The following BMPER variants were observed in gnomAD, a reference collection of about 807,000 sequenced individuals.
BMPER encodes BMP binding endothelial regulator, also known as BMP-binding endothelial regulator protein.
In BMPER, 45 loss-of-function variants were observed where a neutral mutation model predicts 87.3. That is an observed-to-expected ratio of 0.52 (90% CI 0.41 to 0.66). BMPER has a LOEUF of 0.66. Ranked by LOEUF, BMPER falls within the 30% of genes least tolerant of loss-of-function variation. BMPER has a pLI of 0.00. For missense variants in BMPER, 784 were observed against 867.5 expected, an observed-to-expected ratio of 0.90 and a Z score of 1.21; for synonymous variants, 326 against 316.2, an observed-to-expected ratio of 1.03 and a Z score of -0.33.
chr7:34,133,351 G>T (rs964214221), intron 13 of BMPER, among the ~76,000 whole-genome samples: 1 of 152,154 alleles, frequency 6.6e-6, no homozygotes, highest in Non-Finnish European at 1.5e-5. Context: ...GTCAGGGTTT[G>T]GGGAGCTTCT....
chr7:34,056,636 T>A (rs913143843), intron 9 of BMPER, among the ~76,000 whole-genome samples: 1 of 147,686 alleles, frequency 6.8e-6, no homozygotes, highest in Non-Finnish European at 1.5e-5. Context: ...TTTTTTTTTT[T>A]AGATGGAGTC....
intron 11 of BMPER, 124 bp from the exon 12 acceptor site, chr7:34,078,733 T>A: frequency 2.0e-6 from 2 of 980,650 alleles, no homozygotes; most frequent in Non-Finnish European, 1.6e-6. Context: ...CACTTTTTTT[T>A]TTAAGTTGAT....
rs1790146510 is a variant in BMPER at position 34,117,452 on chromosome 7, G to A, written c.1746-25778G>A. ...ATATCTTGTCCCAGGCCCCTTCTGG[G>A]TAAAAAAGTAATAACTAATAGAAAA... On this transcript the variant is annotated intron_variant, in intron 13 of 14. Transcript: ENST00000649409. Among the ~76,000 whole-genome samples, 4 of 152,206 alleles carry A rather than the reference G, an allele frequency of 2.6e-5. No homozygotes were observed. In the East Asian group the frequency reaches 7.7e-4, roughly 29 times the overall value.
At chr7:34,033,591 T>A (rs1300935630) in intron 6 of BMPER, among the ~76,000 whole-genome samples, 3 of 152,222 alleles carry the variant, frequency 2.0e-5, no homozygotes, top group African/African-American at 7.2e-5. Context: ...AAAATGATGA[T>A]CTTTCTGAAC....
intron 5 of BMPER, among the ~76,000 whole-genome samples, chr7:33,974,132 A>G (rs578003049): frequency 1.1e-4 from 16 of 152,268 alleles, no homozygotes; most frequent in Admixed American, 3.3e-4. Context: ...TAGCTCTGCC[A>G]CCTGCCAGCT....
chr7:34,044,461 C>T (rs1483936664), intron 6 of BMPER, among the ~76,000 whole-genome samples: 1 of 152,204 alleles, frequency 6.6e-6, no homozygotes, highest in African/African-American at 2.4e-5. Context: ...TAGGAAGTTG[C>T]TTGCAGATGA....
At chr7:34,020,009 C>T (rs1403625825) in intron 6 of BMPER, among the ~76,000 whole-genome samples, 1 of 147,772 alleles carries the variant, frequency 6.8e-6, no homozygotes, top group African/African-American at 2.5e-5. Context: ...AATGTGGATA[C>T]ACCAGAGGAA....
At chr7:34,070,335 G>A (rs1183319683) in intron 11 of BMPER, among the ~76,000 whole-genome samples, 1 of 152,144 alleles carries the variant, frequency 6.6e-6, no homozygotes, top group Admixed American at 6.5e-5. Flanking sequence ...AGCTGCACAA[G>A]ATTTGAGCCT....
intron 7 of BMPER, among the ~76,000 whole-genome samples, chr7:34,047,739 A>T (rs1788013119): frequency 1.1e-5 from 1 of 95,220 alleles, no homozygotes; most frequent in African/African-American, 4.0e-5. Flanking sequence ...ATTTTCCCTA[A>T]TCGCCTCTGG....
intron 3 of BMPER, among the ~76,000 whole-genome samples, chr7:33,963,130 A>C (rs1323207645): frequency 3.9e-5 from 6 of 152,178 alleles, no homozygotes; most frequent in Non-Finnish European, 7.4e-5. Flanking sequence ...TTTTTGTGCA[A>C]ATTTTCTCAT....
rs1439913344 is a variant in BMPER, at chr7:33,910,763, C to G, written c.219+3860C>G. Among the ~76,000 whole-genome samples the G allele has an allele frequency of 4.3e-5, 6 of 141,012 alleles. No homozygotes were observed. The East Asian group carries it at 1.3e-3, about 30-fold the overall frequency. The allele number at this position is 141,012 out of a possible 152,430, so 92.5% of individuals were successfully genotyped here. On this transcript the variant is annotated intron_variant, in intron 2 of 14. Transcript: ENST00000649409. Reference sequence around the variant, plus strand: ...AATCAAATAGTGAAGACAGAGAGACCTTGTCTGCTGTCTTCTACTTTTTTA... The same window carrying G: ...AATCAAATAGTGAAGACAGAGAGACGTTGTCTGCTGTCTTCTACTTTTTTA...
intron 13 of BMPER, among the ~76,000 whole-genome samples, chr7:34,086,817 G>A (rs1457965946): frequency 6.6e-6 from 1 of 152,170 alleles, no homozygotes; most frequent in Non-Finnish European, 1.5e-5. Context: ...GAGTTGATGA[G>A]TTTGGCCTGG....
chr7:34,051,756 G>C, intron 7 of BMPER, 105 bp from the exon 8 acceptor site: 1 of 974,696 alleles, frequency 1.0e-6, no homozygotes, highest in African/African-American at 1.6e-5. Flanking sequence ...CCAGACTTAC[G>C]TGGTCTTATA....
intron 13 of BMPER, among the ~76,000 whole-genome samples, chr7:34,100,343 A>G (rs1469754459): frequency 6.6e-6 from 1 of 152,220 alleles, no homozygotes; most frequent in Non-Finnish European, 1.5e-5. Flanking sequence ...GGAAAAGCAG[A>G]TGAATCAGAG....
Position 34,059,314 on chromosome 7 carries a change from C to T in BMPER, c.1032+1151C>T, listed in dbSNP as rs191142630. ...GGCTCAAGTAACTAGCCTCAGCAGG[C>T]CGCCGTGGAGTTTCCAGCTTCACTT... On this transcript the variant is annotated intron_variant, in intron 10 of 14. Coordinates refer to ENST00000649409, the MANE Select transcript of BMPER (RefSeq NM_001365308.1). 3.2e-3 allele frequency among the ~76,000 whole-genome samples: 492 copies of T among 152,276 alleles called. 2 individuals are homozygous for T. The highest frequency in any genetic ancestry group is 0.011 in the African/African-American group (456 of 41,560).
intron 6 of BMPER, among the ~76,000 whole-genome samples, chr7:34,006,779 A>G (rs1304753407): frequency 6.6e-6 from 1 of 151,348 alleles, no homozygotes; most frequent in African/African-American, 2.4e-5. Context: ...AATTTGAGAG[A>G]AGTTCATGAA....
intron 6 of BMPER, among the ~76,000 whole-genome samples, chr7:33,978,532 C>T (rs1176693074): frequency 6.6e-6 from 1 of 152,106 alleles, no homozygotes; most frequent in East Asian, 1.9e-4. Flanking sequence ...ATCTACACAC[C>T]AACTCCAACC....
At chr7:34,094,586 G>C (rs1165414310) in intron 13 of BMPER, among the ~76,000 whole-genome samples, 1 of 152,210 alleles carries the variant, frequency 6.6e-6, no homozygotes, top group East Asian at 1.9e-4. Context: ...AATGAGTGTG[G>C]TACAGGTGTC....
At chr7:34,102,988 C>T (rs1481005065) in intron 13 of BMPER, among the ~76,000 whole-genome samples, 1 of 151,804 alleles carries the variant, frequency 6.6e-6, no homozygotes, top group Non-Finnish European at 1.5e-5. Context: ...GTGCCATGCT[C>T]AAATTTGGAA....
Sources: allele counts gnomAD v4.1 joint callset (sites outside exome capture counted in the v4.1 genomes callset), GRCh38; gene constraint gnomAD v4.1.1; transcripts MANE v1.5; gene names NCBI Gene and HGNC (gene_info 2026-07-23, HGNC 2026-07-21).